Variants in SLC13A1 observed in about 807,000 individuals in gnomAD.
SLC13A1 encodes solute carrier family 13 member 1.
A neutral mutation model predicts 70.0 loss-of-function variants in SLC13A1; 65 were observed. That is an observed-to-expected ratio of 0.93 (90% CI 0.76 to 1.14). The LOEUF is 1.14. SLC13A1 is among the 50% of genes most tolerant of loss of function. The probability of loss-of-function intolerance (pLI) is 0.00; values close to 1 mark genes in which losing one functional copy is unlikely to be tolerated. For synonymous variants in SLC13A1, 275 were observed against 250.5 expected, an observed-to-expected ratio of 1.10 and a Z score of -0.92; for missense variants, 726 against 717.8, an observed-to-expected ratio of 1.01 and a Z score of -0.13.
chr7:123,121,196 A>G (rs1793369521), intron 12 of SLC13A1, among the ~76,000 whole-genome samples: 1 of 152,090 alleles, frequency 6.6e-6, no homozygotes, highest in African/African-American at 2.4e-5. Context: ...ACAGAGAACA[A>G]CAGCAGGACT....
intron 1 of SLC13A1, among the ~76,000 whole-genome samples, chr7:123,183,623 C>G (rs980668851): frequency 6.6e-6 from 1 of 152,156 alleles, no homozygotes; most frequent in African/African-American, 2.4e-5. Context: ...GTCCATGAAC[C>G]AGCAGCGTCA....
At chr7:123,154,203 C>G (rs1191940122) in intron 6 of SLC13A1, among the ~76,000 whole-genome samples, 1 of 152,118 alleles carries the variant, frequency 6.6e-6, no homozygotes, top group East Asian at 1.9e-4. Context: ...TACTTTACTT[C>G]TATGAATTTT....
chr7:123,158,955 C>T (rs1266186421), intron 6 of SLC13A1, among the ~76,000 whole-genome samples: 1 of 151,826 alleles, frequency 6.6e-6, no homozygotes, highest in Non-Finnish European at 1.5e-5. Context: ...GGACCATGAC[C>T]CCAGATAGGG....
At chr7:123,174,318 C>T (rs1437157441) in intron 2 of SLC13A1, among the ~76,000 whole-genome samples, 2 of 152,252 alleles carry the variant, frequency 1.3e-5, no homozygotes, top group African/African-American at 4.8e-5. Context: ...CAAACACCTA[C>T]AATTCAACAT....
intron 6 of SLC13A1, among the ~76,000 whole-genome samples, chr7:123,167,321 T>A (rs1795110017): frequency 6.6e-6 from 1 of 152,214 alleles, no homozygotes; most frequent in East Asian, 1.9e-4. Context: ...AAAGATAATA[T>A]CTTCATAAAT....
chr7:123,180,878 A>C, intron 2 of SLC13A1, 95 bp downstream of exon 2: 1 of 1,355,834 alleles, frequency 7.4e-7, no homozygotes, highest in African/African-American at 1.5e-5. Context: ...GAACCTTACC[A>C]ACGAGATGAT....
At chr7:123,167,567 A>T (rs1368973322) in intron 6 of SLC13A1, among the ~76,000 whole-genome samples, 4 of 152,078 alleles carry the variant, frequency 2.6e-5, no homozygotes, top group Non-Finnish European at 5.9e-5. Flanking sequence ...CTATAGGAGT[A>T]TTTCTATGTG....
At chr7:123,199,766 G>A (rs1796294234) in intron 1 of SLC13A1, 82 bp downstream of exon 1, 1 of 987,596 alleles carries the variant, frequency 1.0e-6, no homozygotes, top group South Asian at 1.4e-5. Flanking sequence ...TCTGAGCCAG[G>A]CAGTTAAACA....
rs1014523203 is a variant in SLC13A1, at chr7:123,152,180, T to C, written c.661-4870A>G. ...GAGTTCTGAAATAGGCAAGAATTAA[T>C]GCAAGCACAACCATAAAAGGATTGT... On this transcript the variant is annotated intron_variant, in intron 6 of 14. Transcript: ENST00000194130. Among the ~76,000 whole-genome samples the C allele has an allele frequency of 5.3e-5, 8 of 152,140 alleles. 1 individual carries two copies. Among genetic ancestry groups the C allele is most frequent in the African/African-American group, 1.9e-4 (8 of 41,454 alleles).
At chr7:123,187,660 A>G (rs545202272) in intron 1 of SLC13A1, among the ~76,000 whole-genome samples, 2 of 152,334 alleles carry the variant, frequency 1.3e-5, no homozygotes, top group African/African-American at 2.4e-5. Flanking sequence ...TTAAAATTAA[A>G]TAAGGTTTAC....
chr7:123,199,883 C>A lies in SLC13A1; in HGVS notation c.64G>T (p.Val22Phe), dbSNP rs780923482. The change falls in exon 1 of 15, where the codon GTT (valine) becomes TTT (phenylalanine). Residue 22 changes from valine (V) to phenylalanine (F), a missense_variant. Val to Phe is a conservative substitution (Grantham distance 50, BLOSUM62 -1). Transcript: ENST00000194130. ...AGGACGATGGGCAGAGGTAGTAAAA[C>A]CAACACAGTGAAAACCACGAAGAGA... ...RFLFVVFTVL[V>F]LLPLPIVLHT... is the part of the protein sequence containing the mutation. The A allele has an allele frequency of 2.5e-6, 4 of 1,612,968 alleles. No individual in the cohort carries two copies. Among genetic ancestry groups the A allele is most frequent in the Non-Finnish European group, 3.4e-6 (4 of 1,179,300 alleles).
intron 7 of SLC13A1, among the ~76,000 whole-genome samples, chr7:123,136,829 G>A (rs1028713853): frequency 6.6e-6 from 1 of 152,198 alleles, no homozygotes; most frequent in African/African-American, 2.4e-5. Context: ...CATTTTAGAT[G>A]AGACCTAAAT....
intron 1 of SLC13A1, among the ~76,000 whole-genome samples, chr7:123,194,873 T>C (rs1796126629): frequency 6.6e-6 from 1 of 152,090 alleles, no homozygotes; most frequent in Non-Finnish European, 1.5e-5. Context: ...TGGGACTGCA[T>C]GCGGTTAGGG....
At position 123,134,543 on chromosome 7, in the gene SLC13A1, T is replaced by A. The variant is rs1447462115; in HGVS notation, c.813-14A>T. On this transcript the variant is annotated splice_polypyrimidine_tract_variant and intron_variant, in intron 7 of 14. Coordinates refer to ENST00000194130, the MANE Select transcript of SLC13A1 (RefSeq NM_022444.4). ...TCAGGATAGCGTCTGTGTGAAAACATGGAGACGTGTTCAGGGATGGAGAGA... is the reference window on the plus strand; with the variant it reads ...TCAGGATAGCGTCTGTGTGAAAACAAGGAGACGTGTTCAGGGATGGAGAGA... 1.2e-6 allele frequency: 2 copies of A among 1,610,998 alleles called. No homozygotes were observed. Among genetic ancestry groups the A allele is most frequent in the African/African-American group, 1.3e-5 (1 of 74,822 alleles).
rs762206718 is a variant in SLC13A1 at position 123,114,517 on chromosome 7, CCTT to C, written c.*998_*1000del. 23 of 150,236 alleles carry C rather than the reference CCTT, an allele frequency of 1.5e-4. No individual in the cohort carries two copies. In the East Asian group the frequency reaches 4.3e-3, roughly 28 times the overall value. 9.3% of individuals were successfully genotyped at this position (150,236 alleles called of 1,614,324 possible). ...GCAGTTTTCATTCTTATTCTTTTTTCCTTCTTTTTTTCATTTTTTCATTGCAAT... is the reference window on the plus strand; with the variant it reads ...GCAGTTTTCATTCTTATTCTTTTTTCCTTTTTTTCATTTTTTCATTGCAAT... On this transcript the variant is annotated 3_prime_UTR_variant, in exon 15 of 15. Transcript: ENST00000194130.
In SLC13A1 at chr7:123,134,394, T is replaced by G; in HGVS notation, c.932+16A>C. ...GACACCTTTATTTAGCCTATTAACA[T>G]GAAATATTTACTTACTTGAATCCTA... is the stretch of plus-strand genomic sequence containing the variant. On this transcript the variant is annotated intron_variant, in intron 8 of 14. Coordinates refer to ENST00000194130, the MANE Select transcript of SLC13A1 (RefSeq NM_022444.4). The G allele has an allele frequency of 6.2e-7, 1 of 1,610,098 alleles. No homozygotes were observed. The highest frequency in any genetic ancestry group is 1.1e-5 in the South Asian group (1 of 90,660).
intron 1 of SLC13A1, among the ~76,000 whole-genome samples, chr7:123,181,668 C>G (rs1795646252): frequency 1.3e-5 from 2 of 152,112 alleles, no homozygotes; most frequent in African/African-American, 4.8e-5. Context: ...GAATGCTACT[C>G]TTAATAGAAT....
chr7:123,169,788 G>A (rs557621429), intron 3 of SLC13A1, among the ~76,000 whole-genome samples: 2 of 151,894 alleles, frequency 1.3e-5, no homozygotes, highest in South Asian at 4.2e-4. Flanking sequence ...CTGTTCATAG[G>A]GGTGTCAAGG....
At chr7:123,151,458 G>A (rs1000994857) in intron 6 of SLC13A1, among the ~76,000 whole-genome samples, 13 of 150,918 alleles carry the variant, frequency 8.6e-5, no homozygotes, top group Admixed American at 2.0e-4. Context: ...CAGGACCAAG[G>A]CTATTACTTC....
Sources: allele counts gnomAD v4.1 joint callset (sites outside exome capture counted in the v4.1 genomes callset), GRCh38; gene constraint gnomAD v4.1.1; transcripts MANE v1.5; gene names NCBI Gene and HGNC (gene_info 2026-07-23, HGNC 2026-07-21).